Variants in ZNF367 observed in about 807,000 individuals in gnomAD.
The protein encoded by ZNF367 is zinc finger protein 367, also known as C2H2 zinc finger protein ZFF29.
A neutral mutation model predicts 31.8 loss-of-function variants in ZNF367; 11 were observed. The observed-to-expected ratio is 0.35, with a 90% CI of 0.22 to 0.57. The LOEUF is 0.57. Among genes scored for constraint, ZNF367 ranks in the 20% least tolerant of loss-of-function variants. ZNF367 has a pLI of 0.85. For missense variants in ZNF367, 353 were observed against 484.1 expected (o/e 0.73, Z 2.54); for synonymous variants, 199 against 202.4 (o/e 0.98, Z 0.14).
Position 96,417,620 on chromosome 9 carries a change from T to G in ZNF367, c.413A>C (p.His138Pro). 1.5e-6 allele frequency: 1 copy of G among 650,454 alleles called. No homozygotes were observed. The highest frequency in any genetic ancestry group is 2.1e-6 in the Non-Finnish European group (1 of 465,306). 40.3% of individuals were successfully genotyped at this position (650,454 alleles called of 1,614,324 possible). A position where few individuals can be genotyped will look rare whatever the true frequency, so the allele number is the denominator to read the frequency against. ...EEEASSPDSG[H>P]LKDGIRRGRP... The stretch of plus-strand genomic sequence containing the variant: ...CCCGCCCGCGCCGCTCACCTTGAGG[T>G]GGCCGCTGTCTGGGCTGCTCGCTTC... The change falls in exon 1 of 5, where the codon CAC becomes CCC. Residue 138 changes from histidine to proline, a missense_variant. His to Pro is a moderately conservative substitution (Grantham distance 77). This residue lies in a region of ZNF367 where 70 missense variants were observed against 57.1 expected (regional missense o/e 1.23). Coordinates refer to ENST00000375256, the MANE Select transcript of ZNF367 (RefSeq NM_153695.4). The surrounding 1 kb of genome is among the most constrained non-coding windows in gnomAD (Gnocchi z 5.0).
intron 2 of ZNF367, among the ~76,000 whole-genome samples, chr9:96,397,058 C>G (rs1831540811): frequency 6.6e-6 from 1 of 152,146 alleles, no homozygotes; most frequent in African/African-American, 2.4e-5. Context: ...TTATTGTTTA[C>G]TCTTTTTTTC....
chr9:96,396,898 C>G (rs1175138229), intron 2 of ZNF367, among the ~76,000 whole-genome samples: 1 of 152,068 alleles, frequency 6.6e-6, no homozygotes, highest in African/African-American at 2.4e-5. Flanking sequence ...AACTCCTGAC[C>G]TCAGGTGATC....
At chr9:96,396,717 G>A (rs999414201) in intron 2 of ZNF367, among the ~76,000 whole-genome samples, 27 of 151,336 alleles carry the variant, frequency 1.8e-4, no homozygotes, top group Admixed American at 1.4e-3. Flanking sequence ...TGCCCAGGCT[G>A]GAGTGCAATG....
intron 1 of ZNF367, among the ~76,000 whole-genome samples, chr9:96,400,563 C>T (rs75428142): frequency 0.014 from 2,128 of 151,164 alleles, 48 homozygotes; most frequent in African/African-American, 0.049. Flanking sequence ...AAAAAAAAAA[C>T]TTCACTAGAG....
chr9:96,409,727 GC>G (rs1280706031), intron 1 of ZNF367, among the ~76,000 whole-genome samples: 19 of 152,158 alleles, frequency 1.2e-4, no homozygotes, highest in African/African-American at 4.6e-4. Flanking sequence ...ATCCTCAGTA[GC>G]CACATATAGC....
intron 3 of ZNF367, among the ~76,000 whole-genome samples, chr9:96,394,028 T>C (rs548137752): frequency 1.3e-5 from 2 of 152,328 alleles, no homozygotes; most frequent in African/African-American, 2.4e-5. Context: ...CTTTAGAAAC[T>C]GATAAAAGAT....
In ZNF367 at chr9:96,405,337, AT is replaced by A. The variant is rs60179333; in HGVS notation, c.421-7024del. ...CTCAAAAAAAAAAAAAAAAAAAAAAATCCTCAAAATTATTCATCATTTAGGA... is the reference window on the plus strand; with the variant it reads ...CTCAAAAAAAAAAAAAAAAAAAAAAACCTCAAAATTATTCATCATTTAGGA... On this transcript the variant is annotated intron_variant, in intron 1 of 4. Coordinates refer to ENST00000375256, the MANE Select transcript of ZNF367 (RefSeq NM_153695.4). Among the ~76,000 whole-genome samples, 1,050 of 149,964 alleles carry A rather than the reference AT, an allele frequency of 7.0e-3. 12 individuals are homozygous for A. Among genetic ancestry groups the A allele is most frequent in the African/African-American group, 0.024 (973 of 40,414 alleles).
At chr9:96,405,750 T>C (rs1029708747) in intron 1 of ZNF367, among the ~76,000 whole-genome samples, 2 of 152,164 alleles carry the variant, frequency 1.3e-5, no homozygotes, top group Admixed American at 6.5e-5. Context: ...GGTAAATCCA[T>C]AGAGACAGAA....
At chr9:96,392,823 G>A (rs7868753) in intron 3 of ZNF367, among the ~76,000 whole-genome samples, 26,519 of 152,198 alleles carry the variant, frequency 0.17, 2,623 homozygotes, top group African/African-American at 0.26. Context: ...GGTGGCTCAC[G>A]CCTGTAATCC....
At chr9:96,400,789 A>T (rs1455936993) in intron 1 of ZNF367, among the ~76,000 whole-genome samples, 1 of 152,250 alleles carries the variant, frequency 6.6e-6, no homozygotes, top group Non-Finnish European at 1.5e-5. Flanking sequence ...AGAAATAATG[A>T]CAGAAAACTT....
chr9:96,389,666 TAC>T (rs534819364), intron 4 of ZNF367, among the ~76,000 whole-genome samples: 2 of 152,174 alleles, frequency 1.3e-5, no homozygotes, highest in Non-Finnish European at 2.9e-5. Flanking sequence ...TATTAAACTG[TAC>T]ACTTTAAATG....
At chr9:96,410,603 C>CG (rs1831734866) in intron 1 of ZNF367, among the ~76,000 whole-genome samples, 2 of 136,090 alleles carry the variant, frequency 1.5e-5, no homozygotes, top group South Asian at 4.8e-4. Context: ...AGACCAGGCA[C>CG]GGTGGCTCAC....
chr9:96,418,044 A>G lies in ZNF367; in HGVS notation c.-12T>C, dbSNP rs1336893643. The G allele has an allele frequency of 1.5e-6, 2 of 1,352,466 alleles. No homozygotes were observed. Among genetic ancestry groups the G allele is most frequent in the Non-Finnish European group, 1.9e-6 (2 of 1,058,182 alleles). 83.8% of individuals were successfully genotyped at this position (1,352,466 alleles called of 1,614,324 possible). On this transcript the variant is annotated 5_prime_UTR_variant, in exon 1 of 5. Transcript: ENST00000375256. ...AAGCCCCGGATCATCGCCCGGCCCG[A>G]CCCCCAGCTCCGGCGGCCCCGGGCC...
intron 2 of ZNF367, among the ~76,000 whole-genome samples, chr9:96,396,126 C>T (rs576721489): frequency 6.6e-6 from 1 of 152,188 alleles, no homozygotes; most frequent in South Asian, 2.1e-4. Flanking sequence ...CTTTCAGTTC[C>T]TTGATGTACA....
chr9:96,397,499 T>A (rs1831547250), intron 2 of ZNF367, among the ~76,000 whole-genome samples: 1 of 152,204 alleles, frequency 6.6e-6, no homozygotes, highest in South Asian at 2.1e-4. Context: ...TGACAATTAA[T>A]GTTTTTGGCC....
chr9:96,410,166 G>A (rs1371176866), intron 1 of ZNF367, among the ~76,000 whole-genome samples: 1 of 151,892 alleles, frequency 6.6e-6, no homozygotes, highest in Non-Finnish European at 1.5e-5. Flanking sequence ...GGGAGGCTGA[G>A]GCAGAATGGC....
chr9:96,398,276 G>T lies in ZNF367; in HGVS notation c.459C>A (p.Val153=). The part of the protein sequence containing the change: ...IRRGRPRADT[V]RDLINEGEHS... ...GCTCTCCTTCATTTATTAAATCGCG[G>T]ACAGTATCTGCTCTGGGCCTACCAC... The change falls in exon 2 of 5, where the codon GTC becomes GTA. Residue 153 remains valine, a synonymous_variant. Coordinates refer to ENST00000375256, the MANE Select transcript of ZNF367 (RefSeq NM_153695.4). The T allele has an allele frequency of 6.2e-7, 1 of 1,613,684 alleles. No individual in the cohort carries two copies. The highest frequency in any genetic ancestry group is 8.5e-7 in the Non-Finnish European group (1 of 1,179,818).
In ZNF367 at chr9:96,387,220, G is replaced by A; in HGVS notation, c.*1017C>T. On this transcript the variant is annotated 3_prime_UTR_variant, in exon 5 of 5. Transcript: ENST00000375256. ...TAGTGAACACAAAATAGCTTGGCAT[G>A]TTACTCTGAAGTAAAGCAAGAAGGT... The A allele has an allele frequency of 6.6e-6, 1 of 152,168 alleles. No individual in the cohort carries two copies. Among genetic ancestry groups the A allele is most frequent in the East Asian group, 1.9e-4 (1 of 5,202 alleles). The allele number at this position is 152,168 out of a possible 1,614,324, so 9.4% of individuals were successfully genotyped here.
chr9:96,399,391 G>A (rs974491793), intron 1 of ZNF367, among the ~76,000 whole-genome samples: 1 of 152,148 alleles, frequency 6.6e-6, no homozygotes, highest in Admixed American at 6.6e-5. Flanking sequence ...CAAAACACTA[G>A]TGGTGGCTCA....
Sources: gnomAD v4.1 joint callset for allele counts (sites outside exome capture counted in the v4.1 genomes callset) on GRCh38, gnomAD v4.1.1 for gene constraint, gnomAD v4.1.1 regional missense constraint, Gnocchi (gnomAD v3.1) non-coding constraint, MANE v1.5 for transcripts, NCBI Gene and HGNC (gene_info 2026-07-23, HGNC 2026-07-21) for gene names.